Variants in RETREG1 observed in about 807,000 individuals in gnomAD.
RETREG1 encodes reticulophagy regulator 1.
In RETREG1, 44 loss-of-function variants were observed where a neutral mutation model predicts 54.8. The observed-to-expected ratio is 0.80, with a 90% CI of 0.63 to 1.03. The LOEUF is 1.03. RETREG1 is among the 50% of genes least tolerant of loss of function. The pLI is 0.00. For missense variants in RETREG1, 554 were observed against 605.1 expected (o/e 0.92, Z 0.89); for synonymous variants, 217 against 238.5 (o/e 0.91, Z 0.83).
intron 3 of RETREG1, among the ~76,000 whole-genome samples, chr5:16,501,733 C>G (rs1473870759): frequency 6.6e-6 from 1 of 151,296 alleles, no homozygotes; most frequent in African/African-American, 2.4e-5. Context: ...TCAGTAGAGA[C>G]AAGGTTTCAC....
At chr5:16,528,697 T>G (rs1194435995) in intron 3 of RETREG1, among the ~76,000 whole-genome samples, 4 of 152,208 alleles carry the variant, frequency 2.6e-5, no homozygotes, top group Non-Finnish European at 5.9e-5. Context: ...GTGAACACTA[T>G]GCCTCCTTCA....
At chr5:16,532,100 A>T (rs1190712542) in intron 3 of RETREG1, among the ~76,000 whole-genome samples, 2 of 152,236 alleles carry the variant, frequency 1.3e-5, no homozygotes, top group East Asian at 3.8e-4. Flanking sequence ...ATAGTTCCTG[A>T]TATCCAGTGG....
At chr5:16,545,664 T>G (rs1274324703) in intron 3 of RETREG1, among the ~76,000 whole-genome samples, 1 of 152,136 alleles carries the variant, frequency 6.6e-6, no homozygotes, top group African/African-American at 2.4e-5. Flanking sequence ...CTTCCTTTGA[T>G]TCCTAGGAGG....
intron 3 of RETREG1, among the ~76,000 whole-genome samples, chr5:16,562,134 G>A (rs889650732): frequency 6.6e-6 from 1 of 152,120 alleles, no homozygotes; most frequent in Non-Finnish European, 1.5e-5. Flanking sequence ...TAACCAACAT[G>A]GAGAAACCCC....
intron 3 of RETREG1, among the ~76,000 whole-genome samples, chr5:16,498,816 G>C (rs1368946909): frequency 7.2e-5 from 11 of 152,244 alleles, no homozygotes; most frequent in African/African-American, 2.2e-4. Context: ...ATGAGTGAAT[G>C]TGAAGGCCTA....
At chr5:16,529,273 G>T (rs1740837155) in intron 3 of RETREG1, among the ~76,000 whole-genome samples, 1 of 152,082 alleles carries the variant, frequency 6.6e-6, no homozygotes, top group East Asian at 1.9e-4. Context: ...ATTATAAAAG[G>T]TCATCAGTAA....
chr5:16,525,299 T>C (rs552288656), intron 3 of RETREG1, among the ~76,000 whole-genome samples: 27 of 72,460 alleles, frequency 3.7e-4, no homozygotes, highest in East Asian at 2.3e-3. Context: ...CTGTGCTGAT[T>C]TGCGTCCTCC....
At chr5:16,493,547 A>C (rs1223603225) in intron 3 of RETREG1, among the ~76,000 whole-genome samples, 1 of 152,158 alleles carries the variant, frequency 6.6e-6, no homozygotes, top group African/African-American at 2.4e-5. Context: ...AACACTCCTC[A>C]AGGAAAACAA....
chr5:16,522,883 G>A (rs1216565961), intron 3 of RETREG1, among the ~76,000 whole-genome samples: 1 of 152,050 alleles, frequency 6.6e-6, no homozygotes, highest in Non-Finnish European at 1.5e-5. Context: ...GCACAAGCCT[G>A]TAGTCCCAGC....
At chr5:16,550,211 C>T (rs148845205) in intron 3 of RETREG1, among the ~76,000 whole-genome samples, 2,201 of 151,836 alleles carry the variant, frequency 0.014, 57 homozygotes, top group African/African-American at 0.051. Flanking sequence ...CCTCTTTTTG[C>T]CAAATACCTC....
chr5:16,589,969 A>G (rs1470720062), intron 1 of RETREG1, among the ~76,000 whole-genome samples: 1 of 152,218 alleles, frequency 6.6e-6, no homozygotes, highest in Non-Finnish European at 1.5e-5. Flanking sequence ...AAGTAAAAGA[A>G]GAAACAAACA....
intron 3 of RETREG1, among the ~76,000 whole-genome samples, chr5:16,554,743 A>G (rs1394090578): frequency 6.6e-6 from 1 of 152,230 alleles, no homozygotes; most frequent in Non-Finnish European, 1.5e-5. Context: ...ATATTCTTCT[A>G]CAACATGATC....
intron 3 of RETREG1, among the ~76,000 whole-genome samples, chr5:16,504,509 A>G (rs77069868): frequency 0.028 from 4,225 of 152,250 alleles, 228 homozygotes; most frequent in African/African-American, 0.097. Flanking sequence ...TACCTGGCCC[A>G]GTGAAGGACT....
intron 2 of RETREG1, among the ~76,000 whole-genome samples, chr5:16,567,017 T>C (rs1742030875): frequency 6.6e-6 from 1 of 152,226 alleles, no homozygotes; most frequent in Non-Finnish European, 1.5e-5. Context: ...TGGTATAGGA[T>C]GGGCATTGGC....
At chr5:16,528,829 C>T (rs1264454828) in intron 3 of RETREG1, among the ~76,000 whole-genome samples, 1 of 152,142 alleles carries the variant, frequency 6.6e-6, no homozygotes, top group Non-Finnish European at 1.5e-5. Context: ...CCATACAGTG[C>T]CTGCCACAAT....
chr5:16,541,983 T>A (rs891923693), intron 3 of RETREG1, among the ~76,000 whole-genome samples: 1 of 152,194 alleles, frequency 6.6e-6, no homozygotes, highest in East Asian at 1.9e-4. Context: ...GGGGCCACTA[T>A]GTTCTAAGGC....
chr5:16,502,025 C>T (rs1193715589), intron 3 of RETREG1, among the ~76,000 whole-genome samples: 1 of 148,682 alleles, frequency 6.7e-6, no homozygotes, highest in African/African-American at 2.5e-5. Context: ...GGCGTGATCT[C>T]GGCTCACTGC....
At chr5:16,500,444 G>C (rs1391068645) in intron 3 of RETREG1, among the ~76,000 whole-genome samples, 1 of 152,162 alleles carries the variant, frequency 6.6e-6, no homozygotes, top group Admixed American at 6.5e-5. Flanking sequence ...CTGAAGGGAA[G>C]AAGAAGAATA....
chr5:16,474,527 A>T lies in RETREG1; in HGVS notation c.*214T>A. Reference sequence around the variant, plus strand: ...AGTGGTGTGTATAAAGTTCATTTCCATGCTTATTACACAAAAATAACGATC... The same window carrying T: ...AGTGGTGTGTATAAAGTTCATTTCCTTGCTTATTACACAAAAATAACGATC... On this transcript the variant is annotated 3_prime_UTR_variant, in exon 9 of 9. Coordinates refer to ENST00000306320, the MANE Select transcript of RETREG1 (RefSeq NM_001034850.3). 3.3e-6 allele frequency: 2 copies of T among 604,500 alleles called. No homozygotes were observed. Among genetic ancestry groups the T allele is most frequent in the Non-Finnish European group, 5.7e-6 (2 of 352,310 alleles). The allele number at this position is 604,500 out of a possible 1,614,324, so 37.4% of individuals were successfully genotyped here. A position where few individuals can be genotyped will look rare whatever the true frequency, so the allele number is the denominator to read the frequency against.
Sources: gnomAD v4.1 joint callset for allele counts (sites outside exome capture counted in the v4.1 genomes callset) on GRCh38, gnomAD v4.1.1 for gene constraint, MANE v1.5 for transcripts, NCBI Gene and HGNC (gene_info 2026-07-23, HGNC 2026-07-21) for gene names.